IGSF21: variants seen among roughly 807,000 people sequenced by gnomAD.
IGSF21 encodes the protein immunoglobin superfamily member 21.
Under a neutral mutation model 46.8 loss-of-function variants are expected in IGSF21, and 28 were observed. The ratio of observed to expected loss-of-function variants is 0.60; its 90% CI spans 0.44 to 0.82. The LOEUF is 0.82. IGSF21 is among the 40% of genes least tolerant of loss of function. The pLI is 0.00. For missense variants in IGSF21, 624 were observed against 665.5 expected (o/e 0.94, Z 0.69); for synonymous variants, 284 against 273.6 (o/e 1.04, Z -0.38).
Position 18,109,679 on chromosome 1 carries a change from TC to T in IGSF21, c.70+1485del. The T allele has an allele frequency of 6.6e-6, 1 of 152,134 alleles. No individual in the cohort carries two copies. The highest frequency in any genetic ancestry group is 2.4e-5 in the African/African-American group (1 of 41,488). 9.4% of individuals were successfully genotyped at this position (152,134 alleles called of 1,614,324 possible). ...AAGGAATGCAAACCCTGTACTTTGTTCCCCTACCCTTGGAACAAGAGACTTT... is the reference window on the plus strand; with the variant it reads ...AAGGAATGCAAACCCTGTACTTTGTTCCCTACCCTTGGAACAAGAGACTTT... On this transcript the variant is annotated intron_variant, in intron 1 of 9. Transcript: ENST00000251296. The surrounding 1 kb of genome is among the most constrained non-coding windows in gnomAD (Gnocchi z 4.8).
intron 2 of IGSF21, among the ~76,000 whole-genome samples, chr1:18,247,198 CA>C (rs67116402): frequency 0.055 from 8,325 of 152,086 alleles, 758 homozygotes; most frequent in African/African-American, 0.19. Flanking sequence ...TTGAGATGGT[CA>C]GGGGATGTGA....
intron 1 of IGSF21, among the ~76,000 whole-genome samples, chr1:18,205,184 A>G (rs1176699251): frequency 6.6e-6 from 1 of 151,460 alleles, no homozygotes; most frequent in Non-Finnish European, 1.5e-5. Flanking sequence ...AGGAGAGAGG[A>G]GGAGAGAGAG....
chr1:18,226,105 C>T (rs773484798), intron 1 of IGSF21, among the ~76,000 whole-genome samples: 22 of 152,256 alleles, frequency 1.4e-4, no homozygotes, highest in Non-Finnish European at 2.5e-4. Flanking sequence ...TACACTCAGG[C>T]TTGGCTTGCC....
chr1:18,184,238 A>G (rs12733863), intron 1 of IGSF21, among the ~76,000 whole-genome samples: 8,014 of 152,220 alleles, frequency 0.053, 231 homozygotes, highest in African/African-American at 0.062. Context: ...TATGTCCACC[A>G]TGATTTCAAA....
At chr1:18,310,036 A>T (rs1232132254) in intron 3 of IGSF21, among the ~76,000 whole-genome samples, 2 of 152,102 alleles carry the variant, frequency 1.3e-5, no homozygotes, top group Non-Finnish European at 2.9e-5. Context: ...TTTACACACC[A>T]CTAAAGATCC....
chr1:18,255,884 G>T (rs1031253039), intron 2 of IGSF21, among the ~76,000 whole-genome samples: 1 of 152,174 alleles, frequency 6.6e-6, no homozygotes, highest in Non-Finnish European at 1.5e-5. Context: ...GTGCAGGCTT[G>T]TGCAGCCCCA....
intron 6 of IGSF21, among the ~76,000 whole-genome samples, chr1:18,370,735 T>C (rs2086216213): frequency 6.6e-6 from 1 of 152,148 alleles, no homozygotes; most frequent in Non-Finnish European, 1.5e-5. Context: ...AACCAGAATA[T>C]ATAAAGAACT....
At chr1:18,273,520 C>CTTTCTTTCTTTCT (rs141850179) in intron 2 of IGSF21, among the ~76,000 whole-genome samples, 1 of 29,096 alleles carries the variant, frequency 3.4e-5, no homozygotes, top group African/African-American at 1.2e-4. Flanking sequence ...TTCTTTCTTT[C>CTTTCTTTCTTTCT]GTCTTTCTTT....
intron 4 of IGSF21, among the ~76,000 whole-genome samples, chr1:18,357,540 T>C (rs1446375684): frequency 2.0e-5 from 3 of 150,230 alleles, no homozygotes; most frequent in Non-Finnish European, 4.4e-5. Context: ...GGGGTGGGAA[T>C]AGGAATATAA....
At chr1:18,279,322 T>A (rs192002) in intron 2 of IGSF21, among the ~76,000 whole-genome samples, 6 of 152,336 alleles carry the variant, frequency 3.9e-5, no homozygotes, top group East Asian at 1.9e-4. Context: ...ATGTGGATTC[T>A]AGGAGAAGAG....
chr1:18,200,287 TAGTA>T (rs1204644175), intron 1 of IGSF21, among the ~76,000 whole-genome samples: 2 of 152,308 alleles, frequency 1.3e-5, no homozygotes, highest in South Asian at 4.1e-4. Context: ...GCCTGGGGCT[TAGTA>T]GGTAGACAGC....
At chr1:18,294,669 A>G (rs1569747488) in intron 3 of IGSF21, among the ~76,000 whole-genome samples, 1 of 152,148 alleles carries the variant, frequency 6.6e-6, no homozygotes, top group Non-Finnish European at 1.5e-5. Flanking sequence ...TCTTCCCCAC[A>G]TGGGGGCCAA....
At chr1:18,363,319 A>G (rs2086123065) in intron 5 of IGSF21, among the ~76,000 whole-genome samples, 2 of 152,162 alleles carry the variant, frequency 1.3e-5, no homozygotes, top group South Asian at 2.1e-4. Flanking sequence ...TCCAGACCCA[A>G]TTGTCTCCCA....
chr1:18,198,986 G>A (rs1352205813), intron 1 of IGSF21, among the ~76,000 whole-genome samples: 1 of 151,906 alleles, frequency 6.6e-6, no homozygotes, highest in African/African-American at 2.4e-5. Flanking sequence ...TGGCCCCCTG[G>A]GACTCTCTGT....
intron 1 of IGSF21, among the ~76,000 whole-genome samples, chr1:18,136,736 G>C (rs1472003093): frequency 1.3e-5 from 2 of 152,156 alleles, no homozygotes; most frequent in African/African-American, 4.8e-5. Context: ...ACTTGGCGAT[G>C]CGGGCTCTTT....
intron 1 of IGSF21, among the ~76,000 whole-genome samples, chr1:18,165,232 A>G (rs1236751569): frequency 6.6e-6 from 1 of 152,284 alleles, no homozygotes; most frequent in Non-Finnish European, 1.5e-5. Flanking sequence ...TTTAAACAAC[A>G]GAAATGGTTT....
intron 2 of IGSF21, among the ~76,000 whole-genome samples, chr1:18,280,345 A>G (rs1409532981): frequency 6.6e-6 from 1 of 152,106 alleles, no homozygotes; most frequent in Non-Finnish European, 1.5e-5. Context: ...CCTCTTCCCA[A>G]TTGCCACTAG....
At chr1:18,164,314 C>T (rs1002175213) in intron 1 of IGSF21, among the ~76,000 whole-genome samples, 1 of 151,996 alleles carries the variant, frequency 6.6e-6, no homozygotes, top group Non-Finnish European at 1.5e-5. Flanking sequence ...TTTCTTCCCT[C>T]CCTCTCTTCC....
chr1:18,116,493 G>C (rs2086191256), intron 1 of IGSF21, among the ~76,000 whole-genome samples: 1 of 152,202 alleles, frequency 6.6e-6, no homozygotes, highest in African/African-American at 2.4e-5. Flanking sequence ...AGAGCTTTTG[G>C]CATGTAACTG....
Sources: allele counts gnomAD v4.1 joint callset (sites outside exome capture counted in the v4.1 genomes callset), GRCh38; gene constraint gnomAD v4.1.1; non-coding constraint Gnocchi (gnomAD v3.1); transcripts MANE v1.5; gene names NCBI Gene and HGNC (gene_info 2026-07-23, HGNC 2026-07-21).